Variants in SDK1 observed in about 807,000 individuals in gnomAD.
SDK1 encodes sidekick cell adhesion molecule 1.
A neutral mutation model predicts 245.5 loss-of-function variants in SDK1; 157 were observed. The ratio of observed to expected loss-of-function variants is 0.64; its 90% CI spans 0.56 to 0.73. SDK1 has a LOEUF of 0.73. Ranked by LOEUF, SDK1 falls within the 30% of genes least tolerant of loss-of-function variation. The pLI is 0.00. For synonymous variants in SDK1, 1,647 were observed against 1,278.5 expected, an observed-to-expected ratio of 1.29 and a Z score of -6.15; for missense variants, 3,583 against 3,002.3, an observed-to-expected ratio of 1.19 and a Z score of -4.52.
chr7:3,652,933 G>A (rs1783053449), intron 4 of SDK1, among the ~76,000 whole-genome samples: 1 of 152,204 alleles, frequency 6.6e-6, no homozygotes, highest in Non-Finnish European at 1.5e-5. Context: ...TCAGAAGACT[G>A]CAGGAGTCTA....
At chr7:4,033,858 T>TA (rs912012199) in intron 17 of SDK1, among the ~76,000 whole-genome samples, 1 of 152,176 alleles carries the variant, frequency 6.6e-6, no homozygotes. Context: ...ATACAACCCC[T>TA]AATTAATTCA....
intron 25 of SDK1, among the ~76,000 whole-genome samples, chr7:4,122,415 A>G (rs1369740571): frequency 2.0e-5 from 3 of 152,116 alleles, no homozygotes; most frequent in African/African-American, 4.8e-5. Context: ...GAATAAAACA[A>G]CTGCCTTTTG....
chr7:3,974,657 C>T (rs777972204), intron 13 of SDK1, 112 bp downstream of exon 13: 77 of 956,456 alleles, frequency 8.1e-5, no homozygotes, highest in South Asian at 1.6e-4. Context: ...CCCAAGTCAG[C>T]GGTCAGAGGC....
At chr7:3,746,693 G>C (rs1034618093) in intron 4 of SDK1, among the ~76,000 whole-genome samples, 1 of 152,152 alleles carries the variant, frequency 6.6e-6, no homozygotes, top group African/African-American at 2.4e-5. Flanking sequence ...AGTTTATTAT[G>C]AGATTGTAGC....
chr7:3,507,523 G>T (rs1782431034), intron 1 of SDK1, among the ~76,000 whole-genome samples: 1 of 152,122 alleles, frequency 6.6e-6, no homozygotes, highest in South Asian at 2.1e-4. Flanking sequence ...ACTGCAGGAA[G>T]GACTGATCTA....
chr7:3,458,668 T>G (rs1247339570), intron 1 of SDK1, among the ~76,000 whole-genome samples: 1 of 152,158 alleles, frequency 6.6e-6, no homozygotes, highest in Non-Finnish European at 1.5e-5. Context: ...CATGATTTAT[T>G]GTTTTCTATA....
rs79032225 is a variant in SDK1, at chr7:4,208,184, A to G, written c.5300A>G (p.Asn1767Ser). ...FLPEPVVRLK[N>S]LTSHTKYLVS... is the part of the protein sequence containing the mutation. ...CCCGAGCCCGTGGTGAGGCTGAAGA[A>G]CCTGACCAGCCATACCAAGTACCTG... The change falls in exon 37 of 45, where the codon AAC (asparagine) becomes AGC (serine). Residue 1767 changes from asparagine (N) to serine (S), a missense_variant. Coordinates refer to ENST00000404826, the MANE Select transcript of SDK1 (RefSeq NM_152744.4). 1 of 1,611,940 alleles carries G rather than the reference A, an allele frequency of 6.2e-7. No individual in the cohort carries two copies. Among genetic ancestry groups the G allele is most frequent in the Non-Finnish European group, 8.5e-7 (1 of 1,179,350 alleles).
chr7:3,948,627 G>T (rs10282344), intron 5 of SDK1, among the ~76,000 whole-genome samples: 1 of 152,212 alleles, frequency 6.6e-6, no homozygotes, highest in Non-Finnish European at 1.5e-5. Context: ...CTGTGGTGGA[G>T]CTGAACCCCG....
chr7:3,511,956 G>T (rs6962132), intron 1 of SDK1, among the ~76,000 whole-genome samples: 1 of 149,590 alleles, frequency 6.7e-6, no homozygotes, highest in Non-Finnish European at 1.5e-5. Context: ...TGATGAGCCT[G>T]TATTGACACC....
intron 1 of SDK1, among the ~76,000 whole-genome samples, chr7:3,365,971 A>G (rs1220685047): frequency 6.6e-6 from 1 of 151,992 alleles, no homozygotes; most frequent in Admixed American, 6.6e-5. Flanking sequence ...CCTGCGAGGC[A>G]GAGGTTGCAA....
intron 4 of SDK1, among the ~76,000 whole-genome samples, chr7:3,705,838 G>C (rs1447488001): frequency 6.6e-6 from 1 of 151,992 alleles, no homozygotes; most frequent in Non-Finnish European, 1.5e-5. Flanking sequence ...ACCTATTTCA[G>C]TTCTCAGGGA....
intron 1 of SDK1, among the ~76,000 whole-genome samples, chr7:3,366,043 A>C (rs567901053): frequency 2.6e-4 from 39 of 151,990 alleles, no homozygotes; most frequent in Non-Finnish European, 4.9e-4. Flanking sequence ...CTGTCTCAAA[A>C]AAAAAAAAAA....
At chr7:3,642,813 C>G (rs1209134099) in intron 4 of SDK1, 2 of 152,264 alleles carry the variant, frequency 1.3e-5, no homozygotes, top group Middle Eastern at 3.4e-3. Flanking sequence ...AGACAATATT[C>G]CAAACATAAA....
At chr7:3,678,378 C>T (rs1196113610) in intron 4 of SDK1, among the ~76,000 whole-genome samples, 2 of 152,216 alleles carry the variant, frequency 1.3e-5, no homozygotes, top group African/African-American at 4.8e-5. Context: ...AAGTGTCCAT[C>T]AGCAGATGAA....
intron 9 of SDK1, among the ~76,000 whole-genome samples, chr7:3,967,082 C>T (rs1339545680): frequency 6.6e-6 from 1 of 152,206 alleles, no homozygotes; most frequent in Non-Finnish European, 1.5e-5. Flanking sequence ...CACGTTTCCA[C>T]TTGTGTATCT....
intron 4 of SDK1, among the ~76,000 whole-genome samples, chr7:3,685,422 A>G (rs1784250821): frequency 6.6e-6 from 1 of 152,234 alleles, no homozygotes; most frequent in Non-Finnish European, 1.5e-5. Flanking sequence ...GAAAGGTAGG[A>G]AAAGATGTTA....
At chr7:3,488,904 C>CGTGT (rs59773114) in intron 1 of SDK1, among the ~76,000 whole-genome samples, 5,823 of 147,156 alleles carry the variant, frequency 0.04, 139 homozygotes, top group Middle Eastern at 0.063. Flanking sequence ...TTCCTCCCTC[C>CGTGT]GTGTGTGTGT....
chr7:4,252,833 CT>C (rs201438907), intron 44 of SDK1, among the ~76,000 whole-genome samples: 181 of 140,882 alleles, frequency 1.3e-3, no homozygotes, highest in South Asian at 2.0e-3. Flanking sequence ...TTCCCCCCCC[CT>C]CTTTTTTTTT....
intron 5 of SDK1, among the ~76,000 whole-genome samples, chr7:3,879,175 T>C (rs1442906495): frequency 2.6e-5 from 4 of 152,132 alleles, no homozygotes; most frequent in African/African-American, 9.7e-5. Flanking sequence ...CCACTGAATA[T>C]TCTTACTATT....
Sources: allele counts gnomAD v4.1 joint callset (sites outside exome capture counted in the v4.1 genomes callset), GRCh38; gene constraint gnomAD v4.1.1; transcripts MANE v1.5; gene names NCBI Gene and HGNC (gene_info 2026-07-23, HGNC 2026-07-21).